EFL1: variants seen among roughly 807,000 people sequenced by gnomAD.
The protein encoded by EFL1 is elongation factor like GTPase 1.
EFL1 carries 76 observed loss-of-function variants against 126.7 expected under a neutral mutation model. That is an observed-to-expected ratio of 0.60 (90% CI 0.50 to 0.73). The LOEUF is 0.73. Among genes scored for constraint, EFL1 ranks in the 30% least tolerant of loss-of-function variants. The pLI is 0.00. For missense variants in EFL1, 1,128 were observed against 1,343.2 expected, an observed-to-expected ratio of 0.84 and a Z score of 2.50; for synonymous variants, 410 against 448.4, an observed-to-expected ratio of 0.91 and a Z score of 1.08.
intron 15 of EFL1, among the ~76,000 whole-genome samples, chr15:82,169,129 T>TG (rs1480690777): frequency 2.0e-5 from 3 of 152,050 alleles, no homozygotes; most frequent in Non-Finnish European, 4.4e-5. Flanking sequence ...GTTCTCAGTG[T>TG]GGGGGTCTAG....
intron 15 of EFL1, among the ~76,000 whole-genome samples, chr15:82,180,373 C>CAAAAAAAAAAAAA (rs200867541): frequency 1.1e-5 from 1 of 94,024 alleles, no homozygotes; most frequent in Admixed American, 1.1e-4. Flanking sequence ...AAAAAAAAAA[C>CAAAAAAAAAAAAA]AAAAAAAAAA....
At position 82,179,040 on chromosome 15, in the gene EFL1, A is replaced by G. The variant is rs113720745; in HGVS notation, c.1751-15056T>C. ...ACGCCTGTAGTCCCAGCTACTTAGGAGACTGAGGCAGGAGGATTACTTGAG... is the reference window on the plus strand; with the variant it reads ...ACGCCTGTAGTCCCAGCTACTTAGGGGACTGAGGCAGGAGGATTACTTGAG... On this transcript the variant is annotated intron_variant, in intron 15 of 19. Coordinates refer to ENST00000268206, the MANE Select transcript of EFL1 (RefSeq NM_024580.6). Among the ~76,000 whole-genome samples the G allele has an allele frequency of 6.8e-4, 104 of 152,210 alleles. 2 individuals carry two copies. Among genetic ancestry groups the G allele is most frequent in the Non-Finnish European group, 1.9e-4 (13 of 68,030 alleles).
At position 82,255,929 on chromosome 15, in the gene EFL1, G is replaced by C. The variant is rs146901399; in HGVS notation, c.160-3154C>G. Among the ~76,000 whole-genome samples the C allele has an allele frequency of 3.4e-3, 517 of 152,142 alleles. 33 individuals carry two copies. The East Asian group carries it at 0.09, about 26-fold the overall frequency. ...TATTAATTGGTTTATTTGCTCTTCT[G>C]TATATATTTTTAAATCAGCATATCA... On this transcript the variant is annotated intron_variant, in intron 3 of 19. Transcript: ENST00000268206.
intron 1 of EFL1, 151 bp from the exon 2 acceptor site, chr15:82,261,948 G>T: frequency 1.7e-6 from 1 of 579,658 alleles, no homozygotes; most frequent in East Asian, 2.9e-5. Context: ...GACCACCAAG[G>T]CCTAAGTCCA....
intron 15 of EFL1, among the ~76,000 whole-genome samples, chr15:82,207,307 T>TATAC (rs141904056): frequency 6.9e-4 from 100 of 145,428 alleles, no homozygotes; most frequent in Non-Finnish European, 1.2e-3. Flanking sequence ...TATATATATA[T>TATAC]ACACACACAC....
intron 2 of EFL1, among the ~76,000 whole-genome samples, chr15:82,260,560 G>C (rs2075103893): frequency 6.6e-6 from 1 of 152,164 alleles, no homozygotes; most frequent in Non-Finnish European, 1.5e-5. Context: ...CTGCCTAATA[G>C]TAGACATTAA....
At chr15:82,182,917 C>G (rs927068588) in intron 15 of EFL1, among the ~76,000 whole-genome samples, 1 of 152,096 alleles carries the variant, frequency 6.6e-6, no homozygotes, top group African/African-American at 2.4e-5. Flanking sequence ...AAGGCACCAG[C>G]GTACGAACAA....
Position 82,163,805 on chromosome 15 carries a change from C to G in EFL1, c.1882+48G>C, listed in dbSNP as rs1308578866. 1.9e-6 allele frequency: 3 copies of G among 1,595,052 alleles called. No individual in the cohort carries two copies. In the Admixed American group the frequency reaches 5.1e-5, roughly 27 times the overall value. ...ATCAAATACTAAATACATGCATATG[C>G]TTTAAAAGTATAATAAACATATGCT... On this transcript the variant is annotated intron_variant, in intron 16 of 19. Coordinates refer to ENST00000268206, the MANE Select transcript of EFL1 (RefSeq NM_024580.6).
intron 16 of EFL1, among the ~76,000 whole-genome samples, chr15:82,162,418 T>C (rs1003148237): frequency 3.3e-5 from 5 of 152,230 alleles, no homozygotes; most frequent in African/African-American, 4.8e-5. Context: ...AAGCTATGGT[T>C]GCCAGACTCA....
chr15:82,232,840 T>C (rs576900124), intron 7 of EFL1, among the ~76,000 whole-genome samples: 25 of 152,284 alleles, frequency 1.6e-4, no homozygotes, highest in African/African-American at 5.8e-4. Flanking sequence ...TTTATTGGTA[T>C]AATCATTTAT....
intron 4 of EFL1, 118 bp from the exon 5 acceptor site, chr15:82,241,521 G>C: frequency 7.7e-7 from 1 of 1,294,912 alleles, no homozygotes; most frequent in East Asian, 2.5e-5. Flanking sequence ...AAAGCTAAAG[G>C]AGTTGAAAGC....
chr15:82,222,473 A>T (rs2074721991), intron 12 of EFL1, among the ~76,000 whole-genome samples: 1 of 152,204 alleles, frequency 6.6e-6, no homozygotes, highest in South Asian at 2.1e-4. Flanking sequence ...GTATTTGTTC[A>T]CTTGCAGATT....
intron 3 of EFL1, among the ~76,000 whole-genome samples, chr15:82,257,602 C>T (rs1321213847): frequency 8.5e-5 from 13 of 152,144 alleles, no homozygotes; most frequent in Non-Finnish European, 1.5e-5. Flanking sequence ...TTTAGAGCAC[C>T]TTTAAGTTTA....
chr15:82,133,388 T>A (rs2073681269), intron 19 of EFL1, among the ~76,000 whole-genome samples: 1 of 152,206 alleles, frequency 6.6e-6, no homozygotes. Context: ...ACCTGGCATA[T>A]CCTAGATTTG....
rs745994399 is a variant in EFL1 at position 82,229,088 on chromosome 15, A to C, written c.878T>G (p.Phe293Cys). ...GDQAKGKKPL[F>C]VQLILENIWS... is the part of the protein sequence containing the mutation. ...TATATTTTCCAGGATCAACTGTACA[A>C]ATAAAGGTTTCTTTCCTTTGGCCTG... Residue 293 changes from phenylalanine (F) to cysteine (C), a missense_variant, in exon 9 of 20, where the codon TTT (phenylalanine) becomes TGT (cysteine). Transcript: ENST00000268206. 3 of 1,611,440 alleles carry C rather than the reference A, an allele frequency of 1.9e-6. No individual in the cohort carries two copies. In the East Asian group the frequency reaches 6.7e-5, roughly 36 times the overall value.
intron 4 of EFL1, among the ~76,000 whole-genome samples, chr15:82,242,137 A>C (rs2074937694): frequency 6.6e-6 from 1 of 152,268 alleles, no homozygotes; most frequent in African/African-American, 2.4e-5. Flanking sequence ...ATCACTAAAC[A>C]TAACTTAGTA....
At chr15:82,248,088 C>T (rs1369219138) in intron 4 of EFL1, among the ~76,000 whole-genome samples, 1 of 152,040 alleles carries the variant, frequency 6.6e-6, no homozygotes, top group African/African-American at 2.4e-5. Flanking sequence ...TCCATTTTTG[C>T]ACATGTGTAA....
intron 4 of EFL1, among the ~76,000 whole-genome samples, chr15:82,250,627 C>G (rs964864276): frequency 2.6e-5 from 4 of 151,716 alleles, no homozygotes; most frequent in African/African-American, 9.7e-5. Flanking sequence ...AGCTATGAGA[C>G]AGAGAAAAGA....
rs2073625141 is a variant in EFL1 at position 82,130,348 on chromosome 15, A to C, written c.*25T>G. On this transcript the variant is annotated 3_prime_UTR_variant, in exon 20 of 20. Coordinates refer to ENST00000268206, the MANE Select transcript of EFL1 (RefSeq NM_024580.6). The stretch of plus-strand genomic sequence containing the variant: ...TGATACTTTTAAATTCACTATAAGG[A>C]AAAGAATCCACCAGTAGTAGGTAGC... The C allele has an allele frequency of 1.2e-6, 2 of 1,607,486 alleles. No homozygotes were observed. The highest frequency in any genetic ancestry group is 3.4e-5 in the Admixed American group (2 of 59,104).
Sources: allele counts gnomAD v4.1 joint callset (sites outside exome capture counted in the v4.1 genomes callset), GRCh38; gene constraint gnomAD v4.1.1; transcripts MANE v1.5; gene names NCBI Gene and HGNC (gene_info 2026-07-23, HGNC 2026-07-21).